HMBOX1: variants seen among roughly 807,000 people sequenced by gnomAD.
The protein encoded by HMBOX1 is homeobox containing 1.
Under a neutral mutation model 54.5 loss-of-function variants are expected in HMBOX1, and 14 were observed. The ratio of observed to expected loss-of-function variants is 0.26; its 90% CI spans 0.17 to 0.40. HMBOX1 has a LOEUF of 0.40. HMBOX1 is among the 10% of genes least tolerant of loss of function. The pLI is 1.00. For synonymous variants in HMBOX1, 160 were observed against 181.0 expected (o/e 0.88, Z 0.93); for missense variants, 332 against 514.4 (o/e 0.65, Z 3.43).
At chr8:28,898,877 G>C (rs1282337590) in intron 1 of HMBOX1, among the ~76,000 whole-genome samples, 2 of 152,178 alleles carry the variant, frequency 1.3e-5, no homozygotes, top group African/African-American at 4.8e-5. Context: ...CTTGGTGGGA[G>C]GTAGCGTGGA....
chr8:28,957,600 C>T (rs559255135), intron 1 of HMBOX1, among the ~76,000 whole-genome samples: 15 of 151,984 alleles, frequency 9.9e-5, no homozygotes, highest in African/African-American at 3.6e-4. Flanking sequence ...CTATTAGGTC[C>T]TATTTTTATT....
chr8:29,047,273 CA>C (rs1206821875), intron 7 of HMBOX1, 84 bp from the exon 8 acceptor site: 2 of 817,758 alleles, frequency 2.4e-6, no homozygotes, highest in Non-Finnish European at 4.1e-6. Context: ...TCAAAAGCAA[CA>C]AAATAAAAAT....
At chr8:29,036,797 A>G (rs1803951585) in intron 6 of HMBOX1, among the ~76,000 whole-genome samples, 1 of 152,204 alleles carries the variant, frequency 6.6e-6, no homozygotes, top group Non-Finnish European at 1.5e-5. Context: ...CCTGAGTTAT[A>G]AGTCATGTGA....
intron 1 of HMBOX1, among the ~76,000 whole-genome samples, chr8:28,942,963 C>T (rs1821718622): frequency 6.6e-6 from 1 of 152,096 alleles, no homozygotes; most frequent in Non-Finnish European, 1.5e-5. Context: ...CTTTGTTTGG[C>T]TTTTTGGCTT....
chr8:29,039,364 G>T (rs1358538904), intron 6 of HMBOX1, among the ~76,000 whole-genome samples: 1 of 152,056 alleles, frequency 6.6e-6, no homozygotes, highest in Non-Finnish European at 1.5e-5. Context: ...ATATAGCTCA[G>T]AAATAAACAC....
intron 4 of HMBOX1, among the ~76,000 whole-genome samples, chr8:28,998,169 A>G (rs1318887634): frequency 2.6e-5 from 4 of 152,196 alleles, no homozygotes; most frequent in African/African-American, 9.6e-5. Context: ...TTTCATCTGG[A>G]TTATGTAATT....
intron 4 of HMBOX1, among the ~76,000 whole-genome samples, chr8:28,998,925 T>A (rs886573594): frequency 2.0e-5 from 3 of 152,148 alleles, no homozygotes; most frequent in Non-Finnish European, 4.4e-5. Flanking sequence ...AATTTTTGTC[T>A]TATAAATTAC....
At chr8:28,909,006 A>G (rs1353678258) in intron 1 of HMBOX1, among the ~76,000 whole-genome samples, 1 of 151,880 alleles carries the variant, frequency 6.6e-6, no homozygotes, top group African/African-American at 2.4e-5. Flanking sequence ...AAGCTAAGGC[A>G]GGATCATTTG....
chr8:28,912,454 A>G (rs1056124127), intron 1 of HMBOX1, among the ~76,000 whole-genome samples: 5 of 152,210 alleles, frequency 3.3e-5, no homozygotes, highest in Admixed American at 2.6e-4. Flanking sequence ...AATATTGACT[A>G]TTCTCAACCC....
At chr8:28,943,167 T>C (rs537686239) in intron 1 of HMBOX1, among the ~76,000 whole-genome samples, 1 of 152,350 alleles carries the variant, frequency 6.6e-6, no homozygotes, top group African/African-American at 2.4e-5. Context: ...TCTGTGTCCG[T>C]TTAGGGTCTC....
chr8:29,051,938 A>G lies in HMBOX1; in HGVS notation c.*783A>G, dbSNP rs984931714. On this transcript the variant is annotated 3_prime_UTR_variant, in exon 10 of 10. Transcript: ENST00000287701. ...AAAAAACCCAGCTTGAGAGCATTGGAAAAAAAAAATATGAGCTGAATGTCT... is the reference window on the plus strand; with the variant it reads ...AAAAAACCCAGCTTGAGAGCATTGGGAAAAAAAAATATGAGCTGAATGTCT... 5.6e-5 allele frequency: 11 copies of G among 195,016 alleles called. No individual in the cohort carries two copies. The highest frequency in any genetic ancestry group is 1.2e-4 in the African/African-American group (5 of 42,208). The allele number at this position is 195,016 out of a possible 1,614,324, so 12.1% of individuals were successfully genotyped here.
At chr8:28,893,777 T>C (rs1811511504) in intron 1 of HMBOX1, among the ~76,000 whole-genome samples, 1 of 152,216 alleles carries the variant, frequency 6.6e-6, no homozygotes, top group African/African-American at 2.4e-5. Flanking sequence ...TTCATAGATA[T>C]TGAATACATT....
intron 1 of HMBOX1, among the ~76,000 whole-genome samples, chr8:28,926,199 G>C (rs1818422868): frequency 6.6e-6 from 1 of 152,042 alleles, no homozygotes; most frequent in Non-Finnish European, 1.5e-5. Context: ...CTACTCAGGA[G>C]ACTGAGGCTT....
In HMBOX1 at chr8:28,930,241, A is replaced by G. The variant is rs1032157877; in HGVS notation, c.-57-33570A>G. On this transcript the variant is annotated intron_variant, in intron 1 of 9. Coordinates refer to ENST00000287701, the MANE Select transcript of HMBOX1 (RefSeq NM_001135726.3). ...TCAATTCTGCCATCCTTCTCCTAGTAACTGAGGTCTAAGACCTGGTAGCCT... is the reference window on the plus strand; with the variant it reads ...TCAATTCTGCCATCCTTCTCCTAGTGACTGAGGTCTAAGACCTGGTAGCCT... 2.6e-5 allele frequency among the ~76,000 whole-genome samples: 4 copies of G among 152,200 alleles called. No homozygotes were observed. The South Asian group carries it at 6.2e-4, about 24-fold the overall frequency.
At chr8:28,896,985 T>A (rs1812251874) in intron 1 of HMBOX1, among the ~76,000 whole-genome samples, 1 of 151,510 alleles carries the variant, frequency 6.6e-6, no homozygotes, top group African/African-American at 2.4e-5. Context: ...TAGGTTTTTT[T>A]TTTTTTTCTT....
intron 4 of HMBOX1, among the ~76,000 whole-genome samples, chr8:28,981,142 G>C (rs1829268411): frequency 6.6e-6 from 1 of 152,016 alleles, no homozygotes; most frequent in Non-Finnish European, 1.5e-5. Flanking sequence ...CCATTAATTT[G>C]GTTAAAAATG....
At chr8:29,023,833 G>A (rs1380365375) in intron 6 of HMBOX1, among the ~76,000 whole-genome samples, 1 of 152,102 alleles carries the variant, frequency 6.6e-6, no homozygotes, top group African/African-American at 2.4e-5. Context: ...TGCATATTAG[G>A]ATCACCCGAG....
At chr8:28,982,726 A>G (rs922481621) in intron 4 of HMBOX1, among the ~76,000 whole-genome samples, 2 of 152,020 alleles carry the variant, frequency 1.3e-5, no homozygotes, top group African/African-American at 4.8e-5. Flanking sequence ...CCTGGGTTCA[A>G]GCGATTCTCC....
At chr8:29,023,239 G>A (rs1801473618) in intron 6 of HMBOX1, among the ~76,000 whole-genome samples, 2 of 152,182 alleles carry the variant, frequency 1.3e-5, no homozygotes, top group East Asian at 1.9e-4. Context: ...ATAAAATACT[G>A]TAGTCTTCTG....
Sources: allele counts gnomAD v4.1 joint callset (sites outside exome capture counted in the v4.1 genomes callset), GRCh38; gene constraint gnomAD v4.1.1; transcripts MANE v1.5; gene names NCBI Gene and HGNC (gene_info 2026-07-23, HGNC 2026-07-21).